SLC35F5: variants seen among roughly 807,000 people sequenced by gnomAD.
SLC35F5 encodes HCV NS5A-transactivated protein 3.
In SLC35F5, 54 loss-of-function variants were observed where a neutral mutation model predicts 68.6. The ratio of observed to expected loss-of-function variants is 0.79; its 90% CI spans 0.63 to 0.99. The LOEUF is 0.99. SLC35F5 is among the 50% of genes least tolerant of loss of function. The pLI, the probability that SLC35F5 is intolerant of heterozygous loss-of-function variation, is 0.00. For synonymous variants in SLC35F5, 211 were observed against 205.2 expected (o/e 1.03, Z -0.24); for missense variants, 567 against 626.9 (o/e 0.90, Z 1.02).
intron 7 of SLC35F5, 141 bp from the exon 8 acceptor site, chr2:113,735,999 TCA>T (rs1688080242): frequency 1.9e-6 from 1 of 539,378 alleles, no homozygotes; most frequent in Non-Finnish European, 3.3e-6. Context: ...ATTGAAAAAA[TCA>T]CAGGCTCCCA....
Position 113,735,690 on chromosome 2 carries a change from G to C in SLC35F5, c.832+87C>G, listed in dbSNP as rs573680678. 1.7e-5 allele frequency: 14 copies of C among 814,558 alleles called. No homozygotes were observed. The South Asian group carries it at 2.5e-4, about 15-fold the overall frequency. 50.5% of individuals were successfully genotyped at this position (814,558 alleles called of 1,614,324 possible). A position where few individuals can be genotyped will look rare whatever the true frequency, so the allele number is the denominator to read the frequency against. On this transcript the variant is annotated intron_variant, in intron 8 of 15. Transcript: ENST00000245680. ...GAACTAATGTAAGAAGCTATAACAA[G>C]ATAAAAATGTTGTACATGTACACAC...
chr2:113,743,500 A>T (rs1247632923), intron 6 of SLC35F5, among the ~76,000 whole-genome samples: 7 of 152,188 alleles, frequency 4.6e-5, no homozygotes, highest in Admixed American at 4.6e-4. Context: ...ATAGAGATTT[A>T]TGGTATTTGG....
Position 113,756,545 on chromosome 2 carries a change from T to C in SLC35F5, c.-136A>G. The C allele has an allele frequency of 6.8e-7, 1 of 1,474,938 alleles. No homozygotes were observed. The highest frequency in any genetic ancestry group is 1.3e-5 in the South Asian group (1 of 74,450). 91.4% of individuals were successfully genotyped at this position (1,474,938 alleles called of 1,614,324 possible). A position where few individuals can be genotyped will look rare whatever the true frequency, so the allele number is the denominator to read the frequency against. ...GACGCGGTGCCCCTCAGGGAGAGGC[T>C]CCCGACACCACCCAACTCCACTCGG... On this transcript the variant is annotated 5_prime_UTR_variant, in exon 1 of 16. Transcript: ENST00000245680.
At chr2:113,724,300 T>C (rs1443862550) in intron 12 of SLC35F5, among the ~76,000 whole-genome samples, 1 of 152,204 alleles carries the variant, frequency 6.6e-6, no homozygotes, top group Non-Finnish European at 1.5e-5. Context: ...GCTGTTAAGG[T>C]GGATCCAATT....
At position 113,731,602 on chromosome 2, in the gene SLC35F5, C is replaced by T. The variant is rs750620734; in HGVS notation, c.967G>A (p.Ala323Thr). Residue 323 changes from alanine to threonine, a missense_variant, in exon 10 of 16, where the codon GCT becomes ACT. Physicochemically the swap from Ala to Thr is moderately conservative, Grantham distance 58. Transcript: ENST00000245680. ...LVNLAGSEKP[A>T]GRDTVGSIWS... Reference sequence around the variant, plus strand: ...TACTTACCTACTGTGTCTCTTCCAGCAGGTTTTTCAGACCCTGCCAGGTTT... The same window carrying T: ...TACTTACCTACTGTGTCTCTTCCAGTAGGTTTTTCAGACCCTGCCAGGTTT... 7 of 1,612,998 alleles carry T rather than the reference C, an allele frequency of 4.3e-6. No individual in the cohort carries two copies. In the East Asian group the frequency reaches 1.3e-4, roughly 31 times the overall value.
intron 13 of SLC35F5, among the ~76,000 whole-genome samples, chr2:113,722,186 G>T (rs940406667): frequency 3.3e-5 from 5 of 151,982 alleles, no homozygotes; most frequent in Non-Finnish European, 7.4e-5. Flanking sequence ...TGCTGGCCAG[G>T]CTGGTCTCGA....
In SLC35F5 at chr2:113,755,242, G is replaced by A; in HGVS notation, c.196C>T (p.Arg66Cys). The change falls in exon 3 of 16, where the codon CGC becomes TGC. Residue 66 changes from arginine to cysteine, a missense_variant. Transcript: ENST00000245680. ...ACAATCCCAAGAGCCATTCGCCTGCGCTGAGTGAAACCACTGTTCTGGGAA... is the reference window on the plus strand; with the variant it reads ...ACAATCCCAAGAGCCATTCGCCTGCACTGAGTGAAACCACTGTTCTGGGAA... ...MNSQNSGFTQ[R>C]RRMALGIVIL... is the part of the protein sequence containing the mutation. 1.2e-6 allele frequency: 2 copies of A among 1,614,050 alleles called. No individual in the cohort carries two copies. The highest frequency in any genetic ancestry group is 1.7e-6 in the Non-Finnish European group (2 of 1,179,994).
intron 2 of SLC35F5, 34 bp from the exon 3 acceptor site, chr2:113,755,340 T>C (rs369933818): frequency 1.2e-6 from 2 of 1,608,868 alleles, no homozygotes; most frequent in Non-Finnish European, 1.7e-6. Flanking sequence ...ACATTAGAGA[T>C]GATTTTAGAA....
intron 1 of SLC35F5, 132 bp downstream of exon 1, chr2:113,756,238 C>A: frequency 6.5e-7 from 1 of 1,528,712 alleles, no homozygotes; most frequent in Non-Finnish European, 8.8e-7. Context: ...CCGCTCCCTC[C>A]GCCCCTAGAG....
chr2:113,734,615 G>C lies in SLC35F5; in HGVS notation c.891C>G (p.Thr297=). Reference sequence around the variant, plus strand: ...AAATTACAGCTAATAGTTTAGAAAGGGTAAATCTATCTCCACTGTTACTTG... The same window carrying C: ...AAATTACAGCTAATAGTTTAGAAAGCGTAAATCTATCTCCACTGTTACTTG... ...VFPSNSGDRF[T]LSKLLAVILS... Residue 297 remains threonine (T), a synonymous_variant, in exon 9 of 16, where the codon ACC becomes ACG. Coordinates refer to ENST00000245680, the MANE Select transcript of SLC35F5 (RefSeq NM_025181.5). The C allele has an allele frequency of 6.2e-7, 1 of 1,603,324 alleles. No homozygotes were observed. Among genetic ancestry groups the C allele is most frequent in the African/African-American group, 1.3e-5 (1 of 74,748 alleles).
intron 13 of SLC35F5, among the ~76,000 whole-genome samples, chr2:113,722,109 G>A (rs964323183): frequency 1.3e-5 from 2 of 151,426 alleles, no homozygotes; most frequent in South Asian, 4.2e-4. Flanking sequence ...CAAGTAGCTG[G>A]GATTACAGGT....
chr2:113,744,596 C>CA (rs373635500), intron 5 of SLC35F5, among the ~76,000 whole-genome samples: 5 of 151,926 alleles, frequency 3.3e-5, no homozygotes, highest in Non-Finnish European at 5.9e-5. Flanking sequence ...TACTAAAATA[C>CA]AAAAATTAGC....
intron 4 of SLC35F5, among the ~76,000 whole-genome samples, chr2:113,746,544 G>A (rs180755450): frequency 4.1e-3 from 619 of 152,202 alleles, no homozygotes; most frequent in Admixed American, 7.1e-3. Context: ...AAAATTTGAG[G>A]CTGAGAGATT....
intron 7 of SLC35F5, among the ~76,000 whole-genome samples, chr2:113,737,131 C>T (rs760780427): frequency 5.6e-4 from 85 of 152,134 alleles, no homozygotes; most frequent in Admixed American, 1.6e-3. Flanking sequence ...AGAGTTATTC[C>T]ACCAAATGAC....
chr2:113,740,657 C>T (rs191104052), intron 7 of SLC35F5, among the ~76,000 whole-genome samples: 210 of 152,232 alleles, frequency 1.4e-3, no homozygotes, highest in Non-Finnish European at 2.4e-3. Flanking sequence ...GACAGACCCT[C>T]GCTCAGTCGC....
intron 11 of SLC35F5, among the ~76,000 whole-genome samples, chr2:113,728,617 A>G (rs1024326169): frequency 1.9e-4 from 29 of 152,318 alleles, no homozygotes; most frequent in African/African-American, 6.3e-4. Flanking sequence ...GAGGCCATTC[A>G]TCTAGTCCAA....
At chr2:113,719,337 C>T in intron 13 of SLC35F5, 29 bp from the exon 14 acceptor site, 1 of 1,524,274 alleles carries the variant, frequency 6.6e-7, no homozygotes, top group Non-Finnish European at 8.7e-7. Context: ...GGAAAAAACA[C>T]ACCCACAATT....
downstream of SLC35F5, among the ~76,000 whole-genome samples, chr2:113,706,312 T>C (rs1165759490): frequency 1.3e-5 from 2 of 152,142 alleles, no homozygotes; most frequent in African/African-American, 4.8e-5. Flanking sequence ...CCCTCCTTCT[T>C]TGCCTCCAGC....
chr2:113,716,260 C>G (rs1454811646), intron 15 of SLC35F5, among the ~76,000 whole-genome samples: 2 of 152,150 alleles, frequency 1.3e-5, no homozygotes, highest in Non-Finnish European at 2.9e-5. Flanking sequence ...AAAAAGCAGA[C>G]AGACACTCAG....
Sources: gnomAD v4.1 joint callset for allele counts (sites outside exome capture counted in the v4.1 genomes callset) on GRCh38, gnomAD v4.1.1 for gene constraint, MANE v1.5 for transcripts, NCBI Gene and HGNC (gene_info 2026-07-23, HGNC 2026-07-21) for gene names.